Variants in ARHGAP20 observed in about 807,000 individuals in gnomAD.
ARHGAP20 encodes the protein rho GTPase-activating protein 20.
ARHGAP20 carries 34 observed loss-of-function variants against 73.7 expected under a neutral mutation model. That is an observed-to-expected ratio of 0.46 (90% CI 0.35 to 0.61). ARHGAP20 has a LOEUF of 0.61. ARHGAP20 is among the 20% of genes least tolerant of loss of function. The pLI, the probability that ARHGAP20 is intolerant of heterozygous loss-of-function variation, is 0.00. For synonymous variants in ARHGAP20, 523 were observed against 518.2 expected (o/e 1.01, Z -0.13); for missense variants, 1,314 against 1,420.9 (o/e 0.92, Z 1.21).
At chr11:110,589,967 A>G (rs1947779894) in intron 11 of ARHGAP20, among the ~76,000 whole-genome samples, 1 of 152,056 alleles carries the variant, frequency 6.6e-6, no homozygotes, top group Non-Finnish European at 1.5e-5. Flanking sequence ...CTAAAAATAC[A>G]AAAATTAGCT....
intron 2 of ARHGAP20, among the ~76,000 whole-genome samples, chr11:110,646,127 G>GA (rs1262663054): frequency 2.0e-5 from 3 of 151,930 alleles, no homozygotes; most frequent in Admixed American, 6.6e-5. Context: ...AATAAAAGTT[G>GA]AAAAAAATCA....
chr11:110,669,960 G>A (rs1319881612), intron 2 of ARHGAP20, among the ~76,000 whole-genome samples: 1 of 152,088 alleles, frequency 6.6e-6, no homozygotes, highest in Non-Finnish European at 1.5e-5. Flanking sequence ...TACCTACACA[G>A]TGCAATAGTA....
intron 1 of ARHGAP20, among the ~76,000 whole-genome samples, chr11:110,692,974 G>A (rs1281256552): frequency 6.6e-6 from 1 of 151,924 alleles, no homozygotes; most frequent in Non-Finnish European, 1.5e-5. Context: ...TTTATGAACC[G>A]CAAGTTAAGA....
chr11:110,647,344 C>G (rs1949218196), intron 2 of ARHGAP20, among the ~76,000 whole-genome samples: 1 of 151,930 alleles, frequency 6.6e-6, no homozygotes, highest in South Asian at 2.1e-4. Context: ...CTGGGGACAC[C>G]AACCTTTTGA....
In ARHGAP20 at chr11:110,600,768, A is replaced by G. The variant is rs959310759; in HGVS notation, c.964+5793T>C. Among the ~76,000 whole-genome samples the G allele has an allele frequency of 5.3e-5, 8 of 152,334 alleles. 1 individual carries two copies. The highest frequency in any genetic ancestry group is 5.2e-4 in the Admixed American group (8 of 15,306). On this transcript the variant is annotated intron_variant, in intron 9 of 14. Coordinates refer to ENST00000683387, the MANE Select transcript of ARHGAP20 (RefSeq NM_001384657.1). ...CTTGAGGTCAGAACTTTGAATGTCTATATCTTGAACCTCCACAATTAACAC... is the reference window on the plus strand; with the variant it reads ...CTTGAGGTCAGAACTTTGAATGTCTGTATCTTGAACCTCCACAATTAACAC...
intron 2 of ARHGAP20, among the ~76,000 whole-genome samples, chr11:110,654,650 T>C (rs1318001598): frequency 1.3e-5 from 2 of 152,204 alleles, no homozygotes; most frequent in Admixed American, 6.5e-5. Context: ...AAAGCATGTA[T>C]TGCATCTGTG....
At chr11:110,609,191 A>T in intron 7 of ARHGAP20, 141 bp from the exon 8 acceptor site, 1 of 680,122 alleles carries the variant, frequency 1.5e-6, no homozygotes, top group Non-Finnish European at 2.6e-6. Flanking sequence ...ACTGCAGTGG[A>T]ATCAGGCCTT....
At position 110,592,065 on chromosome 11, in the gene ARHGAP20, G is replaced by A; in HGVS notation, c.1055C>T (p.Ser352Leu). 1 of 1,614,172 alleles carries A rather than the reference G, an allele frequency of 6.2e-7. No homozygotes were observed. Among genetic ancestry groups the A allele is most frequent in the East Asian group, 2.2e-5 (1 of 44,886 alleles). The change falls in exon 10 of 15, where the codon TCA becomes TTA. Residue 352 changes from serine (S) to leucine (L), a missense_variant. Coordinates refer to ENST00000683387, the MANE Select transcript of ARHGAP20 (RefSeq NM_001384657.1). The stretch of plus-strand genomic sequence containing the variant: ...TCCTGGCATAGGTGATGTTGGCGAT[G>A]AGGGCAAGTTGTCCAGGTGAGTGCT... ...GSSTHLDNLP[S>L]SPTSPMPGQL...
intron 2 of ARHGAP20, among the ~76,000 whole-genome samples, chr11:110,671,128 CTG>C (rs1469930714): frequency 6.6e-6 from 1 of 151,862 alleles, no homozygotes; most frequent in African/African-American, 2.4e-5. Flanking sequence ...TGCAAAAACT[CTG>C]TAATATTCTT....
At chr11:110,694,242 A>G (rs1427041461) in intron 1 of ARHGAP20, among the ~76,000 whole-genome samples, 2 of 151,848 alleles carry the variant, frequency 1.3e-5, no homozygotes, top group Non-Finnish European at 3.0e-5. Context: ...AAGTTCTAAC[A>G]TGGAATAAAG....
intron 12 of ARHGAP20, 55 bp downstream of exon 12, chr11:110,586,161 T>C: frequency 1.1e-6 from 1 of 923,590 alleles, no homozygotes; most frequent in Non-Finnish European, 1.5e-6. Flanking sequence ...TAATAAATAA[T>C]CTTATAAAAT....
intron 1 of ARHGAP20, among the ~76,000 whole-genome samples, chr11:110,707,702 T>G (rs935841088): frequency 6.6e-6 from 1 of 152,124 alleles, no homozygotes; most frequent in Non-Finnish European, 1.5e-5. Context: ...CTTCTTTTTA[T>G]AGCATGGTCT....
chr11:110,636,437 A>T (rs1948969798), intron 2 of ARHGAP20, among the ~76,000 whole-genome samples: 1 of 152,152 alleles, frequency 6.6e-6, no homozygotes. Context: ...GGCTATTTTT[A>T]AAAATAGTTT....
At chr11:110,660,898 T>C (rs994445824) in intron 2 of ARHGAP20, among the ~76,000 whole-genome samples, 1 of 152,202 alleles carries the variant, frequency 6.6e-6, no homozygotes, top group African/African-American at 2.4e-5. Flanking sequence ...CACTACTTGC[T>C]CTGTAACCTT....
chr11:110,601,312 C>G (rs1319157713), intron 9 of ARHGAP20, among the ~76,000 whole-genome samples: 1 of 152,168 alleles, frequency 6.6e-6, no homozygotes, highest in Non-Finnish European at 1.5e-5. Context: ...GAAGTATTAG[C>G]TCATTTTTCC....
chr11:110,591,412 G>T (rs371418912), intron 10 of ARHGAP20, among the ~76,000 whole-genome samples: 6 of 152,188 alleles, frequency 3.9e-5, no homozygotes, highest in African/African-American at 1.4e-4. Flanking sequence ...GCATAATATA[G>T]TATAAAATGC....
At chr11:110,665,976 TAC>T (rs55687136) in intron 2 of ARHGAP20, among the ~76,000 whole-genome samples, 48 of 150,270 alleles carry the variant, frequency 3.2e-4, no homozygotes, top group South Asian at 6.3e-4. Context: ...AAGATACATA[TAC>T]ACACACACAC....
At chr11:110,614,261 A>G (rs1336656825) in intron 6 of ARHGAP20, among the ~76,000 whole-genome samples, 1 of 152,242 alleles carries the variant, frequency 6.6e-6, no homozygotes, top group African/African-American at 2.4e-5. Flanking sequence ...AGAAATATTC[A>G]TGCCAGAGGG....
At chr11:110,608,813 ATTAT>A (rs1369724163) in intron 8 of ARHGAP20, among the ~76,000 whole-genome samples, 167 bp downstream of exon 8, 1 of 152,130 alleles carries the variant, frequency 6.6e-6, no homozygotes. Context: ...ATGAGGAGAT[ATTAT>A]TTGTCTAGCA....
Sources: gnomAD v4.1 joint callset for allele counts (sites outside exome capture counted in the v4.1 genomes callset) on GRCh38, gnomAD v4.1.1 for gene constraint, MANE v1.5 for transcripts, NCBI Gene and HGNC (gene_info 2026-07-23, HGNC 2026-07-21) for gene names.